IQGAP1: variants seen among roughly 807,000 people sequenced by gnomAD.
IQGAP1 encodes the protein IQ motif containing GTPase activating protein 1, also known as ras GTPase-activating-like protein IQGAP1.
A neutral mutation model predicts 215.6 loss-of-function variants in IQGAP1; 66 were observed. The ratio of observed to expected loss-of-function variants is 0.31; its 90% confidence interval spans 0.25 to 0.38. The LOEUF is 0.38. Among genes scored for constraint, IQGAP1 ranks in the 10% least tolerant of loss-of-function variants. The probability of loss-of-function intolerance (pLI) is 1.00; values close to 1 mark genes in which losing one functional copy is unlikely to be tolerated. For synonymous variants in IQGAP1, 772 were observed against 728.7 expected, an observed-to-expected ratio of 1.06 and a Z score of -0.96; for missense variants, 1,712 against 1,997.1, an observed-to-expected ratio of 0.86 and a Z score of 2.72.
At chr15:90,450,671 G>A (rs1411375214) in intron 11 of IQGAP1, among the ~76,000 whole-genome samples, 2 of 151,778 alleles carry the variant, frequency 1.3e-5, no homozygotes, top group Admixed American at 1.3e-4. Context: ...TCTCATTGTG[G>A]TTTTGATGTG....
intron 11 of IQGAP1, among the ~76,000 whole-genome samples, chr15:90,450,573 C>T (rs1480534868): frequency 1.3e-5 from 2 of 151,762 alleles, no homozygotes; most frequent in African/African-American, 4.8e-5. Flanking sequence ...TTCCCATCAA[C>T]AGTGTATGAG....
chr15:90,484,092 C>T (rs1299922556), intron 29 of IQGAP1, 128 bp from the exon 30 acceptor site: 3 of 794,728 alleles, frequency 3.8e-6, no homozygotes, highest in African/African-American at 3.5e-5. Flanking sequence ...ACACACAGCA[C>T]TTTCTCTTGA....
chr15:90,418,715 G>C (rs1276479974), intron 2 of IQGAP1, among the ~76,000 whole-genome samples: 2 of 152,204 alleles, frequency 1.3e-5, no homozygotes, highest in Non-Finnish European at 2.9e-5. Context: ...TAGAAGTAAG[G>C]GTTGTTAATG....
At chr15:90,458,995 C>G (rs996310626) in intron 15 of IQGAP1, among the ~76,000 whole-genome samples, 3 of 152,198 alleles carry the variant, frequency 2.0e-5, no homozygotes, top group African/African-American at 7.2e-5. Flanking sequence ...TTCACCAAAA[C>G]TTACAGAGCC....
At chr15:90,480,818 G>A (rs1163160998) in intron 26 of IQGAP1, among the ~76,000 whole-genome samples, 5 of 152,088 alleles carry the variant, frequency 3.3e-5, no homozygotes, top group African/African-American at 9.7e-5. Context: ...ACAGGCATGC[G>A]CCACACGCCT....
Position 90,426,129 on chromosome 15 carries a change from G to A in IQGAP1, c.175G>A (p.Gly59Arg). Residue 59 changes from glycine to arginine, a missense_variant, in exon 3 of 38, where the codon GGG becomes AGG. Physicochemically the swap from Gly to Arg is moderately radical, Grantham distance 125. Transcript: ENST00000268182. ...GTGCAGGTGGATGGAAGCATGCCTA[G>A]GGGAAGATCTGCCTCCCACCACAGA... The part of the protein sequence containing the change: ...EAKRWMEACL[G>R]EDLPPTTELE... 6.2e-7 allele frequency: 1 copy of A among 1,606,442 alleles called. No individual in the cohort carries two copies. Among genetic ancestry groups the A allele is most frequent in the South Asian group, 1.1e-5 (1 of 90,332 alleles).
At chr15:90,408,725 A>T (rs1964914789) in intron 2 of IQGAP1, among the ~76,000 whole-genome samples, 1 of 152,132 alleles carries the variant, frequency 6.6e-6, no homozygotes, top group South Asian at 2.1e-4. Context: ...TTTTCTCTCA[A>T]AACTTCTTCA....
chr15:90,491,185 A>G (rs1055928829), intron 33 of IQGAP1, 148 bp from the exon 34 acceptor site: 7 of 643,948 alleles, frequency 1.1e-5, no homozygotes, highest in Admixed American at 2.9e-5. Flanking sequence ...TTTTTCATCT[A>G]TCATTTGGCA....
At chr15:90,488,823 G>A (rs901770584) in intron 33 of IQGAP1, among the ~76,000 whole-genome samples, 1 of 152,074 alleles carries the variant, frequency 6.6e-6, no homozygotes, top group African/African-American at 2.4e-5. Context: ...AGCATGATGC[G>A]ACTAGACTAC....
intron 2 of IQGAP1, among the ~76,000 whole-genome samples, chr15:90,404,022 C>T (rs1349876888): frequency 6.6e-6 from 1 of 152,192 alleles, no homozygotes; most frequent in East Asian, 1.9e-4. Flanking sequence ...TGAAGTGCCT[C>T]TTTTTTTCCT....
At position 90,402,986 on chromosome 15, in the gene IQGAP1, T is replaced by G. The variant is rs567669344; in HGVS notation, c.155+12113T>G. Among the ~76,000 whole-genome samples, 1,257 of 152,326 alleles carry G rather than the reference T, an allele frequency of 8.3e-3. 10 individuals carry two copies. Among genetic ancestry groups the G allele is most frequent in the Non-Finnish European group, 0.012 (850 of 68,030 alleles). On this transcript the variant is annotated intron_variant, in intron 2 of 37. Transcript: ENST00000268182. ...ATGACTATTATAACAAAATGTTTTT[T>G]TGGGCTGGGCCCTGTGATTCACACC...
Position 90,500,070 on chromosome 15 carries a change from C to T in IQGAP1, c.4936C>T (p.Leu1646=). The T allele has an allele frequency of 6.2e-7, 1 of 1,611,482 alleles. No individual in the cohort carries two copies. The highest frequency in any genetic ancestry group is 1.1e-5 in the South Asian group (1 of 91,016). The change falls in exon 38 of 38, where the codon CTG becomes TTG. Residue 1646 remains leucine (L), a synonymous_variant. Transcript: ENST00000268182. ...FDRAKVNVNL[L]IFLLNKKFYG... is the part of the protein sequence containing the mutation. ...TAGAGCTAAAGTAAATGTCAACCTC[C>T]TGATCTTCCTTCTCAACAAAAAGTT...
intron 2 of IQGAP1, among the ~76,000 whole-genome samples, chr15:90,407,127 G>T (rs1964890440): frequency 6.6e-6 from 1 of 152,160 alleles, no homozygotes; most frequent in African/African-American, 2.4e-5. Context: ...CCTTTTCAAC[G>T]TAGAAGCTGA....
rs77370839 is a variant in IQGAP1 at position 90,433,105 on chromosome 15, T to C, written c.391-614T>C. 8.6e-3 allele frequency among the ~76,000 whole-genome samples: 1,317 copies of C among 152,332 alleles called. 37 individuals carry two copies. The East Asian group carries it at 0.11, about 12-fold the overall frequency. On this transcript the variant is annotated intron_variant, in intron 4 of 37. Coordinates refer to ENST00000268182, the MANE Select transcript of IQGAP1 (RefSeq NM_003870.4). ...AACAGATAAACACAAATGATCGATT[T>C]TGGTAAGTGCTACCGTGGAAAAGTA... is the stretch of plus-strand genomic sequence containing the variant.
chr15:90,416,718 C>T (rs916405744), intron 2 of IQGAP1, among the ~76,000 whole-genome samples: 2 of 152,028 alleles, frequency 1.3e-5, no homozygotes, highest in African/African-American at 4.8e-5. Flanking sequence ...GCTGGGATTA[C>T]AGGTGCCCGC....
At chr15:90,498,842 T>C in intron 37 of IQGAP1, among the ~76,000 whole-genome samples, 3 of 139,886 alleles carry the variant, frequency 2.1e-5, no homozygotes, top group Non-Finnish European at 1.5e-5. Flanking sequence ...ACAGTTTCGC[T>C]CTTATTGCCC....
intron 36 of IQGAP1, among the ~76,000 whole-genome samples, chr15:90,495,214 T>G (rs1185208785): frequency 6.6e-6 from 1 of 152,180 alleles, no homozygotes; most frequent in Non-Finnish European, 1.5e-5. Flanking sequence ...CTTCATTTGC[T>G]TTTCTGGGAA....
At chr15:90,446,242 C>G (rs554418989) in intron 9 of IQGAP1, among the ~76,000 whole-genome samples, 1 of 151,956 alleles carries the variant, frequency 6.6e-6, no homozygotes, top group Non-Finnish European at 1.5e-5. Context: ...ATAGTTTTAC[C>G]TTGCTAATTG....
intron 33 of IQGAP1, among the ~76,000 whole-genome samples, chr15:90,489,752 T>C (rs1228754702): frequency 6.6e-6 from 1 of 152,254 alleles, no homozygotes; most frequent in South Asian, 2.1e-4. Flanking sequence ...AGTAAGGACA[T>C]GTAAACCAAT....
Sources: allele counts gnomAD v4.1 joint callset (sites outside exome capture counted in the v4.1 genomes callset), GRCh38; gene constraint gnomAD v4.1.1; transcripts MANE v1.5; gene names NCBI Gene and HGNC (gene_info 2026-07-23, HGNC 2026-07-21).